SULT4A1: variants seen among roughly 807,000 people sequenced by gnomAD.
SULT4A1 encodes sulfotransferase 4A1.
A neutral mutation model predicts 35.2 loss-of-function variants in SULT4A1; 11 were observed. The observed-to-expected ratio is 0.31, with a 90% confidence interval of 0.20 to 0.52. The LOEUF (loss-of-function observed/expected upper bound fraction) is 0.52. Ranked by LOEUF, SULT4A1 falls within the 20% of genes least tolerant of loss-of-function variation. The pLI is 0.97. For missense variants in SULT4A1, 271 were observed against 383.7 expected, an observed-to-expected ratio of 0.71 and a Z score of 2.45; for synonymous variants, 152 against 151.8, an observed-to-expected ratio of 1.00 and a Z score of -0.01.
intron 1 of SULT4A1, among the ~76,000 whole-genome samples, chr22:43,846,486 T>A (rs2063477945): frequency 6.6e-6 from 1 of 152,258 alleles, no homozygotes; most frequent in South Asian, 2.1e-4. Context: ...AAACGCTGGT[T>A]GCTGCATAGA....
intron 1 of SULT4A1, among the ~76,000 whole-genome samples, chr22:43,858,319 T>G (rs2049426792): frequency 6.6e-6 from 1 of 152,140 alleles, no homozygotes; most frequent in Non-Finnish European, 1.5e-5. Flanking sequence ...CCCCATCTCC[T>G]TCTTCCTCCA....
intron 1 of SULT4A1, among the ~76,000 whole-genome samples, chr22:43,858,049 CAAAAAAAAA>C (rs11362056): frequency 1.3e-4 from 12 of 91,764 alleles, no homozygotes; most frequent in African/African-American, 1.8e-4. Context: ...GATCCTGTCT[CAAAAAAAAA>C]AAAAAAAAAG....
At chr22:43,826,185 G>A in intron 6 of SULT4A1, 72 bp from the exon 7 acceptor site, 1 of 1,595,006 alleles carries the variant, frequency 6.3e-7, no homozygotes, top group Non-Finnish European at 8.5e-7. Flanking sequence ...GGAAGCCTTG[G>A]AAATGGATCT....
At chr22:43,839,068 T>C (rs2148287481) in intron 3 of SULT4A1, 75 bp from the exon 4 acceptor site, 3 of 1,575,666 alleles carry the variant, frequency 1.9e-6, no homozygotes, top group Non-Finnish European at 2.6e-6. Flanking sequence ...CAGGCCAGCC[T>C]CCCTGAACCT....
At chr22:43,845,020 G>C (rs765640634) in intron 1 of SULT4A1, among the ~76,000 whole-genome samples, 1 of 152,112 alleles carries the variant, frequency 6.6e-6, no homozygotes, top group African/African-American at 2.4e-5. Context: ...GTAACTCCCA[G>C]GGAGAAAGGC....
At chr22:43,830,035 C>A (rs528682267) in intron 5 of SULT4A1, among the ~76,000 whole-genome samples, 1 of 152,202 alleles carries the variant, frequency 6.6e-6, no homozygotes, top group Non-Finnish European at 1.5e-5. Flanking sequence ...CTGGTGTGGG[C>A]GCCAGCTCCT....
intron 2 of SULT4A1, among the ~76,000 whole-genome samples, chr22:43,840,928 C>T (rs2063422002): frequency 1.3e-5 from 2 of 152,186 alleles, no homozygotes; most frequent in Non-Finnish European, 2.9e-5. Context: ...CTGCCTCAGA[C>T]ATCCCCAGAG....
intron 2 of SULT4A1, among the ~76,000 whole-genome samples, 196 bp downstream of exon 2, chr22:43,841,606 G>A (rs1254959250): frequency 1.3e-5 from 2 of 152,102 alleles, no homozygotes; most frequent in Non-Finnish European, 2.9e-5. Flanking sequence ...ACTCCCTGAC[G>A]CTGATGTGTC....
At chr22:43,858,677 G>C (rs1388981451) in intron 1 of SULT4A1, among the ~76,000 whole-genome samples, 1 of 152,006 alleles carries the variant, frequency 6.6e-6, no homozygotes, top group Non-Finnish European at 1.5e-5. Context: ...AGAACAAACT[G>C]GTAACCCAGG....
At chr22:43,859,785 C>T (rs2049444885) in intron 1 of SULT4A1, among the ~76,000 whole-genome samples, 1 of 152,178 alleles carries the variant, frequency 6.6e-6, no homozygotes, top group Admixed American at 6.5e-5. Context: ...ATACGGCAGC[C>T]GCTAGCCCCA....
intron 1 of SULT4A1, among the ~76,000 whole-genome samples, chr22:43,850,344 C>T (rs746392880): frequency 6.6e-6 from 1 of 152,310 alleles, no homozygotes; most frequent in East Asian, 1.9e-4. Flanking sequence ...CCGATACAGT[C>T]GCAGCACGAT....
At position 43,834,026 on chromosome 22, in the gene SULT4A1, G is replaced by A. The variant is rs1016374227; in HGVS notation, c.509-292C>T. Among the ~76,000 whole-genome samples the A allele has an allele frequency of 2.6e-5, 4 of 152,158 alleles. No individual in the cohort carries two copies. The South Asian group carries it at 8.3e-4, about 31-fold the overall frequency. On this transcript the variant is annotated intron_variant, in intron 4 of 6. Transcript: ENST00000330884. Reference sequence around the variant, plus strand: ...CGCAACAGTGCCCGTTACTTTATCCGCTTAACAAGTGGTCACCAGGAAGCC... The same window carrying A: ...CGCAACAGTGCCCGTTACTTTATCCACTTAACAAGTGGTCACCAGGAAGCC...
chr22:43,827,445 C>A (rs1603403568), intron 6 of SULT4A1: 1 of 1,221,374 alleles, frequency 8.2e-7, no homozygotes, highest in Non-Finnish European at 1.1e-6. Context: ...GCTAGAGCAA[C>A]CAAACTATTT....
At chr22:43,844,773 G>A (rs1159185386) in intron 1 of SULT4A1, among the ~76,000 whole-genome samples, 1 of 152,140 alleles carries the variant, frequency 6.6e-6, no homozygotes, top group African/African-American at 2.4e-5. Flanking sequence ...TCTGATGGCC[G>A]GGATCACCTG....
chr22:43,852,187 T>G (rs555929490), intron 1 of SULT4A1, among the ~76,000 whole-genome samples: 56 of 152,116 alleles, frequency 3.7e-4, no homozygotes, highest in African/African-American at 1.3e-3. Context: ...CAGCTAGACT[T>G]TTTTTTGTTT....
chr22:43,838,487 G>A (rs1242519316), intron 4 of SULT4A1, among the ~76,000 whole-genome samples: 1 of 152,246 alleles, frequency 6.6e-6, no homozygotes, highest in Non-Finnish European at 1.5e-5. Flanking sequence ...CTTAGCTCCA[G>A]TCTCCACTCC....
At chr22:43,848,234 G>C (rs986444308) in intron 1 of SULT4A1, among the ~76,000 whole-genome samples, 3 of 152,166 alleles carry the variant, frequency 2.0e-5, no homozygotes, top group African/African-American at 7.2e-5. Flanking sequence ...AGAGCTGCTG[G>C]GGTCAAAGGA....
intron 2 of SULT4A1, among the ~76,000 whole-genome samples, chr22:43,840,929 A>T (rs971383192): frequency 6.6e-6 from 1 of 152,054 alleles, no homozygotes; most frequent in Non-Finnish European, 1.5e-5. Flanking sequence ...TGCCTCAGAC[A>T]TCCCCAGAGG....
At chr22:43,832,852 C>G (rs1240665810) in intron 5 of SULT4A1, among the ~76,000 whole-genome samples, 1 of 152,110 alleles carries the variant, frequency 6.6e-6, no homozygotes, top group Non-Finnish European at 1.5e-5. Context: ...CCCCAGCACC[C>G]AGCTCTCCTG....
Sources: gnomAD v4.1 joint callset for allele counts (sites outside exome capture counted in the v4.1 genomes callset) on GRCh38, gnomAD v4.1.1 for gene constraint, MANE v1.5 for transcripts, NCBI Gene and HGNC (gene_info 2026-07-23, HGNC 2026-07-21) for gene names.